Variants in DLC1 observed in about 807,000 individuals in gnomAD.
DLC1 encodes DLC1 Rho GTPase activating protein.
A neutral mutation model predicts 140.3 loss-of-function variants in DLC1; 54 were observed. The ratio of observed to expected loss-of-function variants is 0.38; its 90% CI spans 0.31 to 0.48. The LOEUF is 0.48. Among genes scored for constraint, DLC1 ranks in the 20% least tolerant of loss-of-function variants. The pLI, the probability that DLC1 is intolerant of heterozygous loss-of-function variation, is 0.96. For synonymous variants in DLC1, 986 were observed against 728.1 expected (o/e 1.35, Z -5.70); for missense variants, 2,536 against 1,907.0 (o/e 1.33, Z -6.14).
rs533536000 is a variant in DLC1, at chr8:13,450,962, C to G, written c.1023+48087G>C. 2.8e-3 allele frequency among the ~76,000 whole-genome samples: 392 copies of G among 137,928 alleles called. 2 individuals carry two copies. The highest frequency in any genetic ancestry group is 0.01 in the African/African-American group (374 of 36,860). 90.5% of individuals were successfully genotyped at this position (137,928 alleles called of 152,430 possible). A position where few individuals can be genotyped will look rare whatever the true frequency, so the allele number is the denominator to read the frequency against. On this transcript the variant is annotated intron_variant, in intron 2 of 17. Coordinates refer to ENST00000276297, the MANE Select transcript of DLC1 (RefSeq NM_182643.3). ...GCTGAGGCAGGAGAATCACTTGAAA[C>G]CGGGAGGCAGAGGTTGCAGTGAGCC... is the stretch of plus-strand genomic sequence containing the variant.
intron 2 of DLC1, among the ~76,000 whole-genome samples, chr8:13,422,904 A>T (rs1449419322): frequency 1.3e-5 from 2 of 152,242 alleles, no homozygotes; most frequent in South Asian, 4.1e-4. Flanking sequence ...CTTCATAGAG[A>T]AGACAATTAC....
chr8:13,586,280 G>T (rs1805306859), intron 1 of DLC1, among the ~76,000 whole-genome samples: 1 of 152,208 alleles, frequency 6.6e-6, no homozygotes, highest in African/African-American at 2.4e-5. Flanking sequence ...AGAGAATGAG[G>T]CTCTGAAACT....
At chr8:13,292,633 TA>T (rs927224779) in intron 5 of DLC1, among the ~76,000 whole-genome samples, 14 of 151,314 alleles carry the variant, frequency 9.3e-5, no homozygotes, top group Admixed American at 4.6e-4. Flanking sequence ...AATAATACTT[TA>T]AAAAAAAACA....
intron 1 of DLC1, among the ~76,000 whole-genome samples, chr8:13,599,212 G>C (rs2117493920): frequency 6.6e-6 from 1 of 151,840 alleles, no homozygotes; most frequent in Admixed American, 6.6e-5. Flanking sequence ...CATGATTTTG[G>C]AATTTATAAA....
rs990129699 is a variant in DLC1 at position 13,162,857 on chromosome 8, C to T, written c.1349-47200G>A. Among the ~76,000 whole-genome samples, 5 of 152,254 alleles carry T rather than the reference C, an allele frequency of 3.3e-5. No homozygotes were observed. In the East Asian group the frequency reaches 5.8e-4, roughly 18 times the overall value. On this transcript the variant is annotated intron_variant, in intron 5 of 17. Transcript: ENST00000276297. ...GCAGAGGCAGAAGGATCTCTTGAGCCCAGGAGTATGAGGCTGCAGGATCAC... is the reference window on the plus strand; with the variant it reads ...GCAGAGGCAGAAGGATCTCTTGAGCTCAGGAGTATGAGGCTGCAGGATCAC...
chr8:13,431,434 G>A (rs1236115102), intron 2 of DLC1, among the ~76,000 whole-genome samples: 1 of 116,044 alleles, frequency 8.6e-6, no homozygotes, highest in Admixed American at 1.3e-4. Context: ...AGTGAGCCAA[G>A]ATCACGCCAC....
At chr8:13,107,747 A>AG (rs1819686788) in intron 7 of DLC1, among the ~76,000 whole-genome samples, 1 of 152,176 alleles carries the variant, frequency 6.6e-6, no homozygotes, top group Non-Finnish European at 1.5e-5. Context: ...CAGAACTTGT[A>AG]CTACGTTTTA....
rs1178424673 is a variant in DLC1, at chr8:13,100,662, T to C, written c.1675A>G (p.Lys559Glu). The C allele has an allele frequency of 4.3e-6, 7 of 1,614,128 alleles. 1 individual carries two copies. In the South Asian group the frequency reaches 4.4e-5, roughly 10 times the overall value. ...RLEEFDVFSPKQDLVPGSPDD... is the reference protein window; with the variant it reads ...RLEEFDVFSPEQDLVPGSPDD... The stretch of plus-strand genomic sequence containing the variant: ...GGGGACCCAGGGACCAGGTCTTGTT[T>C]TGGAGAAAAGACATCAAACTCTTCA... Residue 559 changes from lysine (K) to glutamate (E), a missense_variant, in exon 9 of 18, where the codon AAA (lysine) becomes GAA (glutamate). Lys to Glu is a moderately conservative substitution (Grantham distance 56). Transcript: ENST00000276297.
chr8:13,176,956 G>A (rs1825790474), intron 5 of DLC1, among the ~76,000 whole-genome samples: 1 of 152,154 alleles, frequency 6.6e-6, no homozygotes, highest in Non-Finnish European at 1.5e-5. Context: ...CCAGGAGCTG[G>A]GAACAGCAAG....
chr8:13,085,761 T>G lies in DLC1; in HGVS notation c.*50A>C. On this transcript the variant is annotated 3_prime_UTR_variant, in exon 18 of 18. Coordinates refer to ENST00000276297, the MANE Select transcript of DLC1 (RefSeq NM_182643.3). ...CCCATTCTTCAAGGACTGGCAAAAG[T>G]TCTAGAAACAAACACCATGGTGGTG... The G allele has an allele frequency of 6.2e-7, 1 of 1,611,360 alleles. No individual in the cohort carries two copies. The highest frequency in any genetic ancestry group is 8.5e-7 in the Non-Finnish European group (1 of 1,178,426).
At chr8:13,420,138 A>G (rs113192403) in intron 2 of DLC1, among the ~76,000 whole-genome samples, 2 of 151,786 alleles carry the variant, frequency 1.3e-5, no homozygotes, top group African/African-American at 4.8e-5. Flanking sequence ...CAGTCTATCA[A>G]TTTTGTTAAT....
chr8:13,413,988 C>T (rs1194116382), intron 2 of DLC1, among the ~76,000 whole-genome samples: 1 of 152,018 alleles, frequency 6.6e-6, no homozygotes, highest in Non-Finnish European at 1.5e-5. Context: ...CCAACAAGTA[C>T]ATGATGGTGA....
intron 1 of DLC1, among the ~76,000 whole-genome samples, chr8:13,573,579 C>G (rs1585290128): frequency 6.6e-6 from 1 of 152,120 alleles, no homozygotes; most frequent in Non-Finnish European, 1.5e-5. Context: ...AATGATTTTA[C>G]TTATGGGTTT....
At chr8:13,415,621 G>A (rs289592) in intron 2 of DLC1, among the ~76,000 whole-genome samples, 16,620 of 151,878 alleles carry the variant, frequency 0.11, 1,103 homozygotes, top group African/African-American at 0.16. Flanking sequence ...GGATGGTCTC[G>A]ATCACCTGAC....
intron 2 of DLC1, among the ~76,000 whole-genome samples, chr8:13,459,809 C>G (rs1799576306): frequency 6.6e-6 from 1 of 152,208 alleles, no homozygotes; most frequent in Admixed American, 6.5e-5. Flanking sequence ...CATAATAAAA[C>G]TTGAAGAATA....
chr8:13,268,435 C>T (rs1465526150), intron 5 of DLC1, among the ~76,000 whole-genome samples: 13 of 152,104 alleles, frequency 8.5e-5, no homozygotes, highest in Admixed American at 8.5e-4. Context: ...CTGCCTCAGT[C>T]TCCCGAGTAG....
chr8:13,152,216 A>T (rs1707629267), intron 5 of DLC1, among the ~76,000 whole-genome samples: 2 of 152,196 alleles, frequency 1.3e-5, no homozygotes, highest in Non-Finnish European at 2.9e-5. Flanking sequence ...CAGGTTTTCC[A>T]AAGTCCGTAA....
At chr8:13,336,692 C>A (rs1434479296) in intron 4 of DLC1, among the ~76,000 whole-genome samples, 3 of 152,078 alleles carry the variant, frequency 2.0e-5, no homozygotes, top group African/African-American at 7.2e-5. Flanking sequence ...CCTTCTTTAT[C>A]TATAAAATGA....
chr8:13,492,946 A>G (rs28623249), intron 2 of DLC1, among the ~76,000 whole-genome samples: 3,310 of 152,318 alleles, frequency 0.022, 113 homozygotes, highest in African/African-American at 0.075. Context: ...CAGTGGCCCA[A>G]TGAAGCACAA....
Sources: gnomAD v4.1 joint callset for allele counts (sites outside exome capture counted in the v4.1 genomes callset) on GRCh38, gnomAD v4.1.1 for gene constraint, MANE v1.5 for transcripts, NCBI Gene and HGNC (gene_info 2026-07-23, HGNC 2026-07-21) for gene names.